The following PTGER3 variants were observed in gnomAD, a reference collection of about 807,000 sequenced individuals.
PTGER3 encodes the protein prostaglandin E2 receptor EP3 subtype.
Under a neutral mutation model 34.7 loss-of-function variants are expected in PTGER3, and 22 were observed. The ratio of observed to expected loss-of-function variants is 0.63; its 90% CI spans 0.45 to 0.91. PTGER3 has a LOEUF of 0.91. Ranked by LOEUF, PTGER3 falls within the 40% of genes least tolerant of loss-of-function variation. The probability of loss-of-function intolerance (pLI) is 0.00; values close to 1 mark genes in which losing one functional copy is unlikely to be tolerated. For synonymous variants in PTGER3, 241 were observed against 230.1 expected, an observed-to-expected ratio of 1.05 and a Z score of -0.43; for missense variants, 468 against 519.4, an observed-to-expected ratio of 0.90 and a Z score of 0.96.
Position 70,971,630 on chromosome 1 carries a change from A to C in PTGER3, c.*100T>G, listed in dbSNP as rs1653086490. On this transcript the variant is annotated 3_prime_UTR_variant, in exon 4 of 4. Coordinates refer to ENST00000306666, the MANE Select transcript of PTGER3 (RefSeq NM_198719.2). ...AATAAAAAGATAAAAATGAAGAAAT[A>C]ATCCAAATTAAAATATATAATTATC... 1 of 1,431,252 alleles carries C rather than the reference A, an allele frequency of 7.0e-7. No homozygotes were observed. The highest frequency in any genetic ancestry group is 9.2e-7 in the Non-Finnish European group (1 of 1,086,572). The allele number at this position is 1,431,252 out of a possible 1,614,324, so 88.7% of individuals were successfully genotyped here. A position where few individuals can be genotyped will look rare whatever the true frequency, so the allele number is the denominator to read the frequency against.
At chr1:70,881,903 G>A (rs1330503751) in intron 4 of PTGER3, among the ~76,000 whole-genome samples, 1 of 152,262 alleles carries the variant, frequency 6.6e-6, no homozygotes, top group Non-Finnish European at 1.5e-5. Context: ...TGAGCTGGAA[G>A]CTCTAGCAGA....
intron 4 of PTGER3, among the ~76,000 whole-genome samples, chr1:70,888,772 A>G (rs1311853289): frequency 6.6e-6 from 1 of 152,052 alleles, no homozygotes; most frequent in Non-Finnish European, 1.5e-5. Context: ...TTCTGATGGA[A>G]AAGACTGTGG....
At chr1:70,920,347 G>A (rs1027653255) in intron 4 of PTGER3, among the ~76,000 whole-genome samples, 3 of 152,178 alleles carry the variant, frequency 2.0e-5, no homozygotes, top group African/African-American at 7.2e-5. Context: ...CTGGAGAAAT[G>A]AAGAACTGGA....
intron 4 of PTGER3, among the ~76,000 whole-genome samples, chr1:70,919,536 A>G (rs1208476199): frequency 1.3e-5 from 2 of 152,172 alleles, no homozygotes; most frequent in African/African-American, 4.8e-5. Flanking sequence ...TAATACATCT[A>G]CTTGTATGTA....
chr1:70,898,269 T>G (rs1445693942), intron 4 of PTGER3, among the ~76,000 whole-genome samples: 1 of 152,188 alleles, frequency 6.6e-6, no homozygotes, highest in Non-Finnish European at 1.5e-5. Flanking sequence ...GATGTCCATC[T>G]TGGTCTTCCT....
chr1:70,931,045 A>G (rs1034086827), intron 4 of PTGER3, among the ~76,000 whole-genome samples: 2 of 152,230 alleles, frequency 1.3e-5, no homozygotes, highest in African/African-American at 4.8e-5. Flanking sequence ...CCTAGATACA[A>G]TGGGGATATA....
intron 4 of PTGER3, among the ~76,000 whole-genome samples, chr1:70,894,863 T>C (rs1646692935): frequency 6.6e-6 from 1 of 152,190 alleles, no homozygotes; most frequent in African/African-American, 2.4e-5. Flanking sequence ...CAAAGCTGAA[T>C]GGCAAAGTTG....
At position 70,928,017 on chromosome 1, in the gene PTGER3, C is replaced by T. The variant is rs373355438; in HGVS notation, c.*23+25746G>A. Among the ~76,000 whole-genome samples the T allele has an allele frequency of 3.8e-4, 58 of 151,676 alleles. 1 individual carries two copies. Among genetic ancestry groups the T allele is most frequent in the Middle Eastern group, 3.4e-3 (1 of 294 alleles). ...TTTTCATTCCACAAATACTGAGCAA[C>T]GTTTATCTACTAGGTACTATGTAAA... On this transcript the variant is annotated intron_variant, in intron 4 of 4. Transcript: ENST00000370931.
intron 2 of PTGER3, among the ~76,000 whole-genome samples, chr1:70,990,532 C>T (rs1655377574): frequency 6.6e-6 from 1 of 151,044 alleles, no homozygotes; most frequent in South Asian, 2.1e-4. Flanking sequence ...CATGTATGTA[C>T]ATGTATATAT....
At position 71,047,508 on chromosome 1, in the gene PTGER3, T is replaced by A; in HGVS notation, c.70A>T (p.Met24Leu). The A allele has an allele frequency of 6.2e-7, 1 of 1,603,040 alleles. No homozygotes were observed. The highest frequency in any genetic ancestry group is 8.5e-7 in the Non-Finnish European group (1 of 1,176,336). Residue 24 changes from methionine to leucine, a missense_variant, in exon 1 of 4, where the codon ATG becomes TTG. Transcript: ENST00000306666. ...TCGGCGGAACGCTCGGGCGCCCACATGCCTGTGTAGGAGTGGTTGAGGCGG... is the reference window on the plus strand; with the variant it reads ...TCGGCGGAACGCTCGGGCGCCCACAAGCCTGTGTAGGAGTGGTTGAGGCGG... ...CTRLNHSYTG[M>L]WAPERSAEAR...
chr1:71,038,398 T>C (rs753287211), intron 1 of PTGER3, among the ~76,000 whole-genome samples: 4 of 152,226 alleles, frequency 2.6e-5, no homozygotes, highest in Non-Finnish European at 4.4e-5. Flanking sequence ...TAAACAGTAA[T>C]GGTATCTGGT....
In PTGER3 at chr1:70,971,628, A is replaced by G; in HGVS notation, c.*102T>C. The G allele has an allele frequency of 1.4e-6, 2 of 1,428,966 alleles. No homozygotes were observed. Among genetic ancestry groups the G allele is most frequent in the Non-Finnish European group, 1.8e-6 (2 of 1,085,494 alleles). 88.5% of individuals were successfully genotyped at this position (1,428,966 alleles called of 1,614,324 possible). On this transcript the variant is annotated 3_prime_UTR_variant, in exon 4 of 4. Transcript: ENST00000306666. ...AAAATAAAAAGATAAAAATGAAGAA[A>G]TAATCCAAATTAAAATATATAATTA...
chr1:71,006,162 C>T (rs1656942201), intron 2 of PTGER3: 6 of 984,214 alleles, frequency 6.1e-6, no homozygotes, highest in Non-Finnish European at 7.2e-6. Context: ...AAAACTCTGC[C>T]TATCCTGAAA....
At chr1:70,972,676 A>G (rs947353700) in intron 3 of PTGER3, among the ~76,000 whole-genome samples, 5 of 152,122 alleles carry the variant, frequency 3.3e-5, no homozygotes, top group Non-Finnish European at 7.4e-5. Context: ...TAGATAACCT[A>G]TTACATAAAT....
chr1:70,892,275 C>T (rs139507624), intron 4 of PTGER3, among the ~76,000 whole-genome samples: 27 of 152,290 alleles, frequency 1.8e-4, no homozygotes, highest in East Asian at 1.2e-3. Context: ...AAAATGTTGA[C>T]GATAACCCTA....
At chr1:70,919,528 A>T (rs913946318) in intron 4 of PTGER3, among the ~76,000 whole-genome samples, 1 of 152,214 alleles carries the variant, frequency 6.6e-6, no homozygotes, top group Non-Finnish European at 1.5e-5. Context: ...CACCAATCTA[A>T]TACATCTACT....
intron 4 of PTGER3, among the ~76,000 whole-genome samples, chr1:70,912,642 T>C (rs1305376498): frequency 2.6e-5 from 4 of 152,122 alleles, no homozygotes; most frequent in Admixed American, 2.6e-4. Flanking sequence ...ATATAAGCCC[T>C]GTACTACTTA....
intron 1 of PTGER3, among the ~76,000 whole-genome samples, chr1:71,022,710 C>T (rs1306616177): frequency 6.6e-6 from 1 of 151,498 alleles, no homozygotes; most frequent in Admixed American, 6.6e-5. Flanking sequence ...CTCTTACACA[C>T]ACACACAAAC....
intron 4 of PTGER3, among the ~76,000 whole-genome samples, chr1:70,932,174 C>A (rs977017400): frequency 6.6e-6 from 1 of 152,150 alleles, no homozygotes; most frequent in South Asian, 2.1e-4. Flanking sequence ...ACCTTTACTG[C>A]GGTTCCCAAC....
Sources: gnomAD v4.1 joint callset for allele counts (sites outside exome capture counted in the v4.1 genomes callset) on GRCh38, gnomAD v4.1.1 for gene constraint, MANE v1.5 for transcripts, NCBI Gene and HGNC (gene_info 2026-07-23, HGNC 2026-07-21) for gene names.